BABAM2: variants seen among roughly 807,000 people sequenced by gnomAD.
BABAM2 encodes the protein BRISC and BRCA1-A complex member 2.
A neutral mutation model predicts 54.7 loss-of-function variants in BABAM2; 31 were observed. The ratio of observed to expected loss-of-function variants is 0.57; its 90% confidence interval spans 0.43 to 0.77. BABAM2 has a LOEUF of 0.77. BABAM2 is among the 30% of genes least tolerant of loss of function. The pLI is 0.00. For missense variants in BABAM2, 364 were observed against 455.8 expected, an observed-to-expected ratio of 0.80 and a Z score of 1.83; for synonymous variants, 167 against 162.9, an observed-to-expected ratio of 1.03 and a Z score of -0.19.
intron 11 of BABAM2, among the ~76,000 whole-genome samples, chr2:28,319,985 G>A (rs576571893): frequency 2.6e-5 from 4 of 152,242 alleles, no homozygotes; most frequent in African/African-American, 4.8e-5. Context: ...CCCTCGGCAG[G>A]GAGTGTTGTC....
chr2:28,077,580 G>T (rs778275253), intron 6 of BABAM2, among the ~76,000 whole-genome samples: 2 of 151,954 alleles, frequency 1.3e-5, no homozygotes, highest in African/African-American at 2.4e-5. Flanking sequence ...GGGTTTTTTT[G>T]AGGGGAGGGG....
intron 10 of BABAM2, among the ~76,000 whole-genome samples, chr2:28,265,241 G>A (rs1240228700): frequency 6.6e-6 from 1 of 152,154 alleles, no homozygotes; most frequent in Non-Finnish European, 1.5e-5. Flanking sequence ...TTCAAGACCA[G>A]CCTGGCCAAC....
At chr2:28,332,711 CCTGACCAAAA>C (rs1023735377) in intron 11 of BABAM2, among the ~76,000 whole-genome samples, 21 of 152,176 alleles carry the variant, frequency 1.4e-4, no homozygotes, top group African/African-American at 4.8e-4. Flanking sequence ...CTGGTCAAGC[CCTGACCAAAA>C]CTGCACACCA....
intron 11 of BABAM2, among the ~76,000 whole-genome samples, chr2:28,331,070 G>A (rs1690912843): frequency 6.6e-6 from 1 of 152,162 alleles, no homozygotes; most frequent in Non-Finnish European, 1.5e-5. Context: ...AAGCAGTGGG[G>A]AAAGGATTCC....
At chr2:28,315,815 T>C (rs1369463623) in intron 11 of BABAM2, among the ~76,000 whole-genome samples, 2 of 152,068 alleles carry the variant, frequency 1.3e-5, no homozygotes, top group Non-Finnish European at 2.9e-5. Context: ...AGTTTACAAA[T>C]TACATATTGG....
chr2:28,193,921 A>G (rs1020323953), intron 7 of BABAM2, among the ~76,000 whole-genome samples: 5 of 152,204 alleles, frequency 3.3e-5, no homozygotes, highest in Non-Finnish European at 7.3e-5. Flanking sequence ...AGAAGCTGAC[A>G]TATCTGTGGG....
intron 10 of BABAM2, among the ~76,000 whole-genome samples, chr2:28,258,617 T>TG (rs1281034364): frequency 1.2e-4 from 14 of 115,438 alleles, no homozygotes; most frequent in African/African-American, 4.5e-4. Context: ...TTTCTTTTCT[T>TG]TTTTTTTTTT....
At chr2:27,976,912 A>C (rs546885998) in intron 3 of BABAM2, among the ~76,000 whole-genome samples, 1 of 152,304 alleles carries the variant, frequency 6.6e-6, no homozygotes, top group Admixed American at 6.5e-5. Context: ...AAGTCTTCTA[A>C]GAAGAGGAGG....
chr2:27,902,945 GAA>G (rs1177173999), intron 2 of BABAM2, among the ~76,000 whole-genome samples: 2 of 151,694 alleles, frequency 1.3e-5, no homozygotes, highest in African/African-American at 2.4e-5. Flanking sequence ...GAGAGAGAGA[GAA>G]AGAGAGTTTT....
intron 7 of BABAM2, among the ~76,000 whole-genome samples, chr2:28,202,965 C>G (rs535173471): frequency 2.6e-5 from 4 of 152,256 alleles, no homozygotes; most frequent in East Asian, 1.9e-4. Context: ...CCTCCACCCC[C>G]CCACAGAAAG....
At chr2:28,186,677 G>A (rs1676318540) in intron 7 of BABAM2, among the ~76,000 whole-genome samples, 1 of 152,018 alleles carries the variant, frequency 6.6e-6, no homozygotes, top group Admixed American at 6.6e-5. Flanking sequence ...GAAAAGGAAA[G>A]AAAGAAGGAG....
At chr2:28,153,271 C>T (rs1208639725) in intron 7 of BABAM2, among the ~76,000 whole-genome samples, 1 of 152,154 alleles carries the variant, frequency 6.6e-6, no homozygotes, top group African/African-American at 2.4e-5. Context: ...TAAATTGGTC[C>T]ACTGTTTGCC....
chr2:28,014,110 A>G (rs914042532), intron 4 of BABAM2, among the ~76,000 whole-genome samples: 2 of 152,154 alleles, frequency 1.3e-5, no homozygotes, highest in African/African-American at 2.4e-5. Flanking sequence ...TGGCCATGTT[A>G]TGATTACTGA....
At chr2:27,913,604 C>A (rs923330784) in intron 2 of BABAM2, among the ~76,000 whole-genome samples, 2 of 152,124 alleles carry the variant, frequency 1.3e-5, no homozygotes, top group Admixed American at 1.3e-4. Flanking sequence ...TATATATACA[C>A]ACACCAAAGA....
chr2:28,276,418 G>C (rs567880153), intron 10 of BABAM2, among the ~76,000 whole-genome samples: 51 of 152,258 alleles, frequency 3.3e-4, no homozygotes, highest in Non-Finnish European at 6.6e-4. Context: ...GTTAAGTAGT[G>C]AGGAAATTAC....
chr2:28,022,509 A>G (rs992789395), intron 4 of BABAM2, among the ~76,000 whole-genome samples: 1 of 152,062 alleles, frequency 6.6e-6, no homozygotes, highest in South Asian at 2.1e-4. Context: ...AATAGTAGTG[A>G]ATTTTCTTTT....
upstream of BABAM2, chr2:27,890,170 C>G (rs1664697213): frequency 7.7e-7 from 1 of 1,290,352 alleles, no homozygotes; most frequent in African/African-American, 1.5e-5. The surrounding 1 kb of genome is among the most constrained non-coding windows in gnomAD (Gnocchi z 4.8). Context: ...CCCTGGAGAC[C>G]CAGCGCCCAA....
Position 28,112,177 on chromosome 2 carries a change from C to CCTT in BABAM2, c.571-17093_571-17092insTTC, listed in dbSNP as rs1668153935. Among the ~76,000 whole-genome samples the CCTT allele has an allele frequency of 5.9e-5, 2 of 33,672 alleles. 1 individual carries two copies. Among genetic ancestry groups the CCTT allele is most frequent in the African/African-American group, 2.4e-4 (2 of 8,204 alleles). The allele number at this position is 33,672 out of a possible 152,430, so 22.1% of individuals were successfully genotyped here. On this transcript the variant is annotated intron_variant, in intron 6 of 11. Coordinates refer to ENST00000379624, the MANE Select transcript of BABAM2 (RefSeq NM_199191.3). ...TCCCTCCCTCCCTCCCTCCCTCCCT[C>CCTT]CCTCCCTCCCTCCCTCCCTCCCTTC...
At chr2:28,025,612 C>T (rs1022508694) in intron 5 of BABAM2, 192 bp downstream of exon 5, 2 of 528,444 alleles carry the variant, frequency 3.8e-6, no homozygotes, top group Non-Finnish European at 6.0e-6. Flanking sequence ...AAGATATTAC[C>T]TGGGAAGTTT....
Sources: gnomAD v4.1 joint callset for allele counts (sites outside exome capture counted in the v4.1 genomes callset) on GRCh38, gnomAD v4.1.1 for gene constraint, Gnocchi (gnomAD v3.1) non-coding constraint, MANE v1.5 for transcripts, NCBI Gene and HGNC (gene_info 2026-07-23, HGNC 2026-07-21) for gene names.